VIRMA: variants seen among roughly 807,000 people sequenced by gnomAD.
VIRMA encodes the protein vir like m6A methyltransferase associated.
A neutral mutation model predicts 182.4 loss-of-function variants in VIRMA; 65 were observed. The observed-to-expected ratio is 0.36, with a 90% CI of 0.29 to 0.44. VIRMA has a LOEUF of 0.44. Ranked by LOEUF, VIRMA falls within the 20% of genes least tolerant of loss-of-function variation. The probability of loss-of-function intolerance (pLI) is 1.00; values close to 1 mark genes in which losing one functional copy is unlikely to be tolerated. For synonymous variants in VIRMA, 709 were observed against 743.1 expected, an observed-to-expected ratio of 0.95 and a Z score of 0.75; for missense variants, 1,752 against 2,158.1, an observed-to-expected ratio of 0.81 and a Z score of 3.73.
At position 94,514,931 on chromosome 8, in the gene VIRMA, G is replaced by A. The variant is rs1184219938; in HGVS notation, c.2689C>T (p.Pro897Ser). 3 of 1,572,770 alleles carry A rather than the reference G, an allele frequency of 1.9e-6. No individual in the cohort carries two copies. The highest frequency in any genetic ancestry group is 1.7e-5 in the Admixed American group (1 of 58,992). The change falls in exon 11 of 24, where the codon CCT (proline) becomes TCT (serine). Residue 897 changes from proline to serine, a missense_variant. Pro to Ser is a moderately conservative substitution (Grantham distance 74). Coordinates refer to ENST00000297591, the MANE Select transcript of VIRMA (RefSeq NM_015496.5). ...ATTTCAAATCTAAGGTTTTTCAGAG[G>A]TTCAAGCCACTTGCCAAGTTCTTAA... Reference protein sequence around the residue: ...KLQELGKWLEPLKNLRFEINC... With the variant: ...KLQELGKWLESLKNLRFEINC...
Position 94,537,137 on chromosome 8 carries a change from T to A in VIRMA, c.281A>T (p.Glu94Val), listed in dbSNP as rs554810676. 1.2e-6 allele frequency: 2 copies of A among 1,602,132 alleles called. No individual in the cohort carries two copies. The highest frequency in any genetic ancestry group is 1.7e-6 in the Non-Finnish European group (2 of 1,169,158). Residue 94 changes from glutamate to valine, a missense_variant, in exon 4 of 24, where the codon GAG becomes GTG. Physicochemically the swap from Glu to Val is moderately radical, Grantham distance 121. Transcript: ENST00000297591. ...AGGTCTAAAGATGATGGAAGTATTCTCATCATATTCCAGGCTGTCAAGAGA... is the reference window on the plus strand; with the variant it reads ...AGGTCTAAAGATGATGGAAGTATTCACATCATATTCCAGGCTGTCAAGAGA... ...FDRLGSLEYD[E>V]NTSIIFRPNS...
chr8:94,511,830 T>A, intron 12 of VIRMA, 101 bp from the exon 13 acceptor site: 2 of 710,856 alleles, frequency 2.8e-6, no homozygotes, highest in Non-Finnish European at 4.0e-6. Context: ...GATAATTATA[T>A]TTATAATAAA....
intron 1 of VIRMA, among the ~76,000 whole-genome samples, chr8:94,549,194 A>G (rs371407910): frequency 3.7e-4 from 56 of 152,348 alleles, no homozygotes; most frequent in African/African-American, 1.1e-3. Flanking sequence ...ATGTGTATCA[A>G]TTGTTTATGT....
intron 16 of VIRMA, among the ~76,000 whole-genome samples, chr8:94,505,093 A>G (rs1814109344): frequency 6.6e-6 from 1 of 152,178 alleles, no homozygotes; most frequent in Non-Finnish European, 1.5e-5. Flanking sequence ...GGCAATAGGA[A>G]AAAGGTTAAA....
intron 6 of VIRMA, among the ~76,000 whole-genome samples, chr8:94,529,803 C>A (rs1274244057): frequency 1.3e-5 from 2 of 152,002 alleles, no homozygotes; most frequent in African/African-American, 4.8e-5. Context: ...CCACACCCGG[C>A]TAATTTTTGT....
At chr8:94,504,099 G>A (rs1428918070) in intron 16 of VIRMA, among the ~76,000 whole-genome samples, 3 of 151,964 alleles carry the variant, frequency 2.0e-5, no homozygotes, top group African/African-American at 7.3e-5. Context: ...ACATGAACCC[G>A]GGTGGCAGAG....
chr8:94,519,735 A>T (rs1814696288), intron 8 of VIRMA, among the ~76,000 whole-genome samples: 1 of 152,082 alleles, frequency 6.6e-6, no homozygotes, highest in Non-Finnish European at 1.5e-5. Flanking sequence ...CTTTTCTTTA[A>T]ATTTTGGGCC....
intron 16 of VIRMA, among the ~76,000 whole-genome samples, chr8:94,505,619 A>G (rs1295915938): frequency 6.6e-6 from 1 of 152,046 alleles, no homozygotes; most frequent in Non-Finnish European, 1.5e-5. Flanking sequence ...AGTAGTTGGG[A>G]CTACAGGTGT....
intron 17 of VIRMA, chr8:94,497,751 C>T (rs1813830051): frequency 6.6e-6 from 1 of 152,350 alleles, no homozygotes; most frequent in Non-Finnish European, 1.5e-5. Context: ...TGGCTCATGC[C>T]TCTAATCCCA....
At chr8:94,494,742 C>CT (rs1431210637) in intron 20 of VIRMA, 118 bp downstream of exon 20, 2 of 618,780 alleles carry the variant, frequency 3.2e-6, no homozygotes, top group Non-Finnish European at 5.5e-6. Context: ...TAATGTAGGA[C>CT]TTGCTTCCAA....
chr8:94,514,501 G>A (rs943172025), intron 11 of VIRMA, among the ~76,000 whole-genome samples: 8 of 152,158 alleles, frequency 5.3e-5, no homozygotes, highest in Non-Finnish European at 1.0e-4. Context: ...TATTTTGAGT[G>A]AAATTCTTTT....
intron 3 of VIRMA, among the ~76,000 whole-genome samples, chr8:94,537,704 G>GT (rs1472548968): frequency 6.6e-6 from 1 of 151,700 alleles, no homozygotes. Flanking sequence ...GCTGCCTTTA[G>GT]TTTTTTTTAT....
At position 94,506,644 on chromosome 8, in the gene VIRMA, G is replaced by A; in HGVS notation, c.3953C>T (p.Pro1318Leu). Residue 1318 changes from proline (P) to leucine (L), a missense_variant, in exon 16 of 24, where the codon CCA becomes CTA. By Grantham distance (98) the Pro-to-Leu change is moderately conservative. Transcript: ENST00000297591. ...GATTGAGGTCATCAATTCTTTATTT[G>A]GTAGAGAATTGGAGAGCTGCTCCAG... Reference protein sequence around the residue: ...SELEQLSNSLPNKELMTSICD... With the variant: ...SELEQLSNSLLNKELMTSICD... 6.2e-7 allele frequency: 1 copy of A among 1,613,394 alleles called. No individual in the cohort carries two copies. Among genetic ancestry groups the A allele is most frequent in the East Asian group, 2.2e-5 (1 of 44,852 alleles).
chr8:94,491,913 T>C lies in VIRMA; in HGVS notation c.4809-4A>G. ...TTCAATGTATTCAGATTTTCCACTA[T>C]TAAAACAAAAACATGCCATAAAACA... On this transcript the variant is annotated splice_region_variant and splice_polypyrimidine_tract_variant and intron_variant, in intron 21 of 23. Coordinates refer to ENST00000297591, the MANE Select transcript of VIRMA (RefSeq NM_015496.5). 6.6e-7 allele frequency: 1 copy of C among 1,524,926 alleles called. No homozygotes were observed. Among genetic ancestry groups the C allele is most frequent in the Non-Finnish European group, 8.8e-7 (1 of 1,132,924 alleles). 94.5% of individuals were successfully genotyped at this position (1,524,926 alleles called of 1,614,324 possible). A position where few individuals can be genotyped will look rare whatever the true frequency, so the allele number is the denominator to read the frequency against.
chr8:94,503,454 T>C (rs1238767173), intron 16 of VIRMA, among the ~76,000 whole-genome samples: 2 of 152,028 alleles, frequency 1.3e-5, no homozygotes, highest in Non-Finnish European at 2.9e-5. Flanking sequence ...TGAGAAAATA[T>C]CAGACAAACT....
In VIRMA at chr8:94,511,540, A is replaced by T. The variant is rs764061879; in HGVS notation, c.3035T>A (p.Leu1012His). ...TISMARCTLT[L>H]LKTMLTELLR... ...GAGTTCCGTTAACATAGTTTTAAGA[A>T]GAGTGAGTGTGCAGCGAGCCATTGA... is the stretch of plus-strand genomic sequence containing the variant. Residue 1012 changes from leucine (L) to histidine (H), a missense_variant, in exon 13 of 24, where the codon CTT becomes CAT. Physicochemically the swap from Leu to His is moderately conservative, Grantham distance 99 (BLOSUM62 -3). Coordinates refer to ENST00000297591, the MANE Select transcript of VIRMA (RefSeq NM_015496.5). 7 of 1,614,190 alleles carry T rather than the reference A, an allele frequency of 4.3e-6. No individual in the cohort carries two copies. The highest frequency in any genetic ancestry group is 5.1e-6 in the Non-Finnish European group (6 of 1,180,020).
intron 15 of VIRMA, among the ~76,000 whole-genome samples, chr8:94,507,301 A>G (rs1438035806): frequency 6.6e-6 from 1 of 151,678 alleles, no homozygotes; most frequent in Admixed American, 6.6e-5. Flanking sequence ...ACACCCGGCT[A>G]ATTTTGTATT....
At chr8:94,553,117 T>C (rs1816064925) in intron 1 of VIRMA, among the ~76,000 whole-genome samples, 1 of 151,830 alleles carries the variant, frequency 6.6e-6, no homozygotes, top group African/African-American at 2.4e-5. Flanking sequence ...GGCCCAAACC[T>C]GACAGGAAAA....
chr8:94,527,669 T>A (rs28475734), intron 7 of VIRMA, among the ~76,000 whole-genome samples: 6,072 of 152,282 alleles, frequency 0.04, 132 homozygotes, highest in Non-Finnish European at 0.05. Flanking sequence ...CACAGAAATA[T>A]AATTAGAAAT....
Sources: gnomAD v4.1 joint callset for allele counts (sites outside exome capture counted in the v4.1 genomes callset) on GRCh38, gnomAD v4.1.1 for gene constraint, MANE v1.5 for transcripts, NCBI Gene and HGNC (gene_info 2026-07-23, HGNC 2026-07-21) for gene names.